The following RALGAPB variants were observed in gnomAD, a reference collection of about 807,000 sequenced individuals.
RALGAPB encodes the protein ral GTPase-activating protein subunit beta.
Under a neutral mutation model 161.1 loss-of-function variants are expected in RALGAPB, and 25 were observed. That is an observed-to-expected ratio of 0.16 (90% CI 0.11 to 0.22). The LOEUF is 0.22. RALGAPB is among the 10% of genes least tolerant of loss of function. The pLI is 1.00. For synonymous variants in RALGAPB, 629 were observed against 626.1 expected (o/e 1.00, Z -0.07); for missense variants, 1,391 against 1,815.2 (o/e 0.77, Z 4.25).
At chr20:38,511,806 G>A (rs368342380) in intron 6 of RALGAPB, among the ~76,000 whole-genome samples, 10 of 152,074 alleles carry the variant, frequency 6.6e-5, no homozygotes, top group South Asian at 4.1e-4. Context: ...CGACAAAACC[G>A]CCATCATCAT....
Position 38,535,145 on chromosome 20 carries a change from C to T in RALGAPB, c.2317C>T (p.Gln773Ter), listed in dbSNP as rs1347822494. 1 of 1,614,142 alleles carries T rather than the reference C, an allele frequency of 6.2e-7. No homozygotes were observed. Among genetic ancestry groups the T allele is most frequent in the Non-Finnish European group, 8.5e-7 (1 of 1,179,952 alleles). ...IHLVTQRLNS[Q>*]WRQDMSISLA... ...TCTCGTCACCCAAAGACTCAACTCC[C>T]AGTGGCGCCAAGACATGAGCATATC... Residue 773 changes from glutamine (Q) to a stop codon, truncating the protein, a stop_gained, in exon 16 of 30, where the codon CAG becomes TAG. Transcript: ENST00000262879. LOFTEE classifies it high-confidence loss of function.
Position 38,578,046 on chromosome 20 carries a change from A to AAAATAAAT in RALGAPB, c.*3094_*3101dup. On this transcript the variant is annotated 3_prime_UTR_variant, in exon 30 of 30. Transcript: ENST00000262879. ...AAGATGTGTTTTGTGGTAGGTGGTAAAAATAAATAAATAAATAAATAATAA... is the reference window on the plus strand; with the variant it reads ...AAGATGTGTTTTGTGGTAGGTGGTAAAAATAAATAAATAAATAAATAAATAAATAATAA... The AAAATAAAT allele has an allele frequency of 6.6e-6, 1 of 152,136 alleles. No homozygotes were observed. The allele number at this position is 152,136 out of a possible 1,614,324, so 9.4% of individuals were successfully genotyped here. A position where few individuals can be genotyped will look rare whatever the true frequency, so the allele number is the denominator to read the frequency against.
intron 25 of RALGAPB, among the ~76,000 whole-genome samples, chr20:38,565,747 C>T (rs1196032371): frequency 6.6e-6 from 1 of 152,184 alleles, no homozygotes; most frequent in Non-Finnish European, 1.5e-5. Context: ...TCTAATTAAT[C>T]AATACATAGG....
At chr20:38,539,190 A>C (rs1298779339) in intron 16 of RALGAPB, among the ~76,000 whole-genome samples, 4 of 152,200 alleles carry the variant, frequency 2.6e-5, no homozygotes, top group Non-Finnish European at 5.9e-5. Flanking sequence ...AACTCTAGAA[A>C]ATGCAAGCTA....
chr20:38,544,702 A>G (rs774590307), intron 18 of RALGAPB, among the ~76,000 whole-genome samples: 1 of 152,232 alleles, frequency 6.6e-6, no homozygotes, highest in Admixed American at 6.5e-5. Context: ...TCCTGACCTC[A>G]GGTGATCCAT....
At chr20:38,562,385 T>C (rs1271350426) in intron 23 of RALGAPB, 147 bp from the exon 24 acceptor site, 110 of 666,752 alleles carry the variant, frequency 1.6e-4, no homozygotes, top group Non-Finnish European at 2.7e-5. Context: ...AGAATGCATT[T>C]TTCTCTATAG....
At chr20:38,538,597 T>C (rs554000203) in intron 16 of RALGAPB, 1 of 152,594 alleles carries the variant, frequency 6.6e-6, no homozygotes, top group African/African-American at 2.4e-5. Context: ...AATTAAAAAT[T>C]GGGCAAAAGA....
In RALGAPB at chr20:38,517,654, A is replaced by G. The variant is rs1356653678; in HGVS notation, c.1200A>G (p.Thr400=). The G allele has an allele frequency of 1.9e-6, 3 of 1,613,398 alleles. No homozygotes were observed. The change falls in exon 8 of 30, where the codon ACA becomes ACG. Residue 400 remains threonine (T), a splice_region_variant and synonymous_variant. Transcript: ENST00000262879. ...ATAAGGCCACCATGAAGACAAGCAC[A>G]GTAAGAGTTTACATCACCATTGTTA... The part of the protein sequence containing the change: ...TVNKATMKTS[T]VSTAHASKVQ...
chr20:38,503,598 C>G (rs149307992), intron 5 of RALGAPB, among the ~76,000 whole-genome samples: 7 of 152,282 alleles, frequency 4.6e-5, no homozygotes, highest in Admixed American at 2.6e-4. Flanking sequence ...GTGGAATCTA[C>G]TCCTGGTATA....
chr20:38,513,331 C>G (rs2086025451), intron 6 of RALGAPB, among the ~76,000 whole-genome samples: 1 of 152,118 alleles, frequency 6.6e-6, no homozygotes, highest in African/African-American at 2.4e-5. Context: ...TGGTGAAACC[C>G]TGTCTCTACT....
Position 38,562,523 on chromosome 20 carries a change from G to A in RALGAPB, c.3532-9G>A, listed in dbSNP as rs2087820370. ...CTTCATTATAGCTGATGATTGGTAT[G>A]TATTTCAGATTTTAAAGAATGTGGA... is the stretch of plus-strand genomic sequence containing the variant. On this transcript the variant is annotated splice_polypyrimidine_tract_variant and intron_variant, in intron 23 of 29. Coordinates refer to ENST00000262879, the MANE Select transcript of RALGAPB (RefSeq NM_020336.4). 1.9e-6 allele frequency: 3 copies of A among 1,583,048 alleles called. No homozygotes were observed. Among genetic ancestry groups the A allele is most frequent in the Non-Finnish European group, 1.7e-6 (2 of 1,161,596 alleles).
At chr20:38,475,066 A>G (rs964369261) in intron 1 of RALGAPB, among the ~76,000 whole-genome samples, 4 of 152,254 alleles carry the variant, frequency 2.6e-5, no homozygotes, top group Non-Finnish European at 4.4e-5. Context: ...ACCATGTGCA[A>G]TCAACATTGT....
Position 38,577,444 on chromosome 20 carries a change from A to T in RALGAPB, c.*2477A>T, listed in dbSNP as rs897172078. 1 of 152,122 alleles carries T rather than the reference A, an allele frequency of 6.6e-6. No individual in the cohort carries two copies. The highest frequency in any genetic ancestry group is 2.4e-5 in the African/African-American group (1 of 41,396). The allele number at this position is 152,122 out of a possible 1,614,324, so 9.4% of individuals were successfully genotyped here. A position where few individuals can be genotyped will look rare whatever the true frequency, so the allele number is the denominator to read the frequency against. On this transcript the variant is annotated 3_prime_UTR_variant, in exon 30 of 30. Transcript: ENST00000262879. Reference sequence around the variant, plus strand: ...GTGGCTTAAACAGTTCAGTTGCTATATCTGTTGGGTATGCCGGGGGTGGAT... The same window carrying T: ...GTGGCTTAAACAGTTCAGTTGCTATTTCTGTTGGGTATGCCGGGGGTGGAT...
chr20:38,551,954 A>G (rs2087390179), intron 21 of RALGAPB, among the ~76,000 whole-genome samples: 1 of 152,106 alleles, frequency 6.6e-6, no homozygotes, highest in South Asian at 2.1e-4. Context: ...GAATTTTGGC[A>G]TGAAATTTAG....
At position 38,565,390 on chromosome 20, in the gene RALGAPB, C is replaced by T. The variant is rs2145506469; in HGVS notation, c.3729C>T (p.Ser1243=). 1 of 1,613,502 alleles carries T rather than the reference C, an allele frequency of 6.2e-7. No homozygotes were observed. Among genetic ancestry groups the T allele is most frequent in the South Asian group, 1.1e-5 (1 of 91,038 alleles). The change falls in exon 25 of 30, where the codon AGC becomes AGT. Residue 1243 remains serine, a synonymous_variant. Coordinates refer to ENST00000262879, the MANE Select transcript of RALGAPB (RefSeq NM_020336.4). ...TTTCCTCTGAAGATATTGGAGCTAG[C>T]ATTTTCAATGGACAGAAGAAGGTGC... is the stretch of plus-strand genomic sequence containing the variant. ...EVISSEDIGA[S]IFNGQKKVLY... is the part of the protein sequence containing the mutation.
In RALGAPB at chr20:38,538,440, A is replaced by G. The variant is rs58366406; in HGVS notation, c.2380-1336A>G. 9.7e-3 allele frequency: 1,619 copies of G among 166,606 alleles called. 22 individuals are homozygous for G. Among genetic ancestry groups the G allele is most frequent in the African/African-American group, 0.037 (1,539 of 41,844 alleles). The allele number at this position is 166,606 out of a possible 1,614,324, so 10.3% of individuals were successfully genotyped here. A position where few individuals can be genotyped will look rare whatever the true frequency, so the allele number is the denominator to read the frequency against. On this transcript the variant is annotated intron_variant, in intron 16 of 29. Transcript: ENST00000262879. ...TCTCAGGACAGATGGTTAGGAAGCCATGCTCTACCCAGCCCCAACTGTGTA... is the reference window on the plus strand; with the variant it reads ...TCTCAGGACAGATGGTTAGGAAGCCGTGCTCTACCCAGCCCCAACTGTGTA...
At chr20:38,545,363 A>C (rs1282754989) in intron 18 of RALGAPB, among the ~76,000 whole-genome samples, 1 of 152,222 alleles carries the variant, frequency 6.6e-6, no homozygotes, top group Non-Finnish European at 1.5e-5. Flanking sequence ...ACTATATCAC[A>C]TAATATTATA....
intron 1 of RALGAPB, among the ~76,000 whole-genome samples, chr20:38,474,049 A>T (rs1410598726): frequency 6.6e-6 from 1 of 152,198 alleles, no homozygotes; most frequent in Admixed American, 6.5e-5. Flanking sequence ...ACTGTTAGGG[A>T]TGGAATTCTC....
intron 16 of RALGAPB, among the ~76,000 whole-genome samples, chr20:38,539,361 G>C (rs1440779965): frequency 6.6e-6 from 1 of 152,136 alleles, no homozygotes; most frequent in Non-Finnish European, 1.5e-5. Flanking sequence ...GAATTGACCA[G>C]TTGTATACTT....
Sources: gnomAD v4.1 joint callset for allele counts (sites outside exome capture counted in the v4.1 genomes callset) on GRCh38, gnomAD v4.1.1 for gene constraint, MANE v1.5 for transcripts, NCBI Gene and HGNC (gene_info 2026-07-23, HGNC 2026-07-21) for gene names.